PAM: variants seen among roughly 807,000 people sequenced by gnomAD.
PAM encodes the protein peptidyl-glycine alpha-amidating monooxygenase.
A neutral mutation model predicts 122.1 loss-of-function variants in PAM; 72 were observed. The observed-to-expected ratio is 0.59, with a 90% confidence interval of 0.49 to 0.72. PAM has a LOEUF of 0.72. Among genes scored for constraint, PAM ranks in the 30% least tolerant of loss-of-function variants. The pLI is 0.00. For synonymous variants in PAM, 389 were observed against 404.4 expected (o/e 0.96, Z 0.46); for missense variants, 1,106 against 1,183.7 (o/e 0.93, Z 0.96).
intron 1 of PAM, among the ~76,000 whole-genome samples, chr5:102,811,435 A>C (rs1037157709): frequency 5.9e-5 from 9 of 152,170 alleles, no homozygotes; most frequent in Middle Eastern, 3.2e-3. Flanking sequence ...TCACTTTGCC[A>C]TCTCTCTGGT....
At chr5:102,824,592 C>T (rs1330986778) in intron 1 of PAM, among the ~76,000 whole-genome samples, 4 of 152,170 alleles carry the variant, frequency 2.6e-5, no homozygotes, top group Non-Finnish European at 5.9e-5. Flanking sequence ...GTGATAGCTG[C>T]ATCTGGTTAC....
intron 1 of PAM, among the ~76,000 whole-genome samples, chr5:102,783,147 T>C (rs1402577992): frequency 6.6e-6 from 1 of 151,800 alleles, no homozygotes; most frequent in Admixed American, 6.6e-5. Flanking sequence ...TGAATGTTTA[T>C]ATTTGTTGTC....
intron 1 of PAM, among the ~76,000 whole-genome samples, chr5:102,756,148 G>A (rs1412250729): frequency 6.6e-6 from 1 of 152,174 alleles, no homozygotes; most frequent in Non-Finnish European, 1.5e-5. Context: ...GATGACTTAG[G>A]GTATTACGTG....
At chr5:102,977,031 T>G (rs1443466134) in intron 15 of PAM, among the ~76,000 whole-genome samples, 2 of 152,154 alleles carry the variant, frequency 1.3e-5, no homozygotes, top group Non-Finnish European at 2.9e-5. Context: ...TCTAATACAA[T>G]GGTGTTTTCT....
intron 5 of PAM, among the ~76,000 whole-genome samples, chr5:102,914,428 A>T (rs890593933): frequency 3.9e-5 from 6 of 152,188 alleles, no homozygotes; most frequent in African/African-American, 1.4e-4. Context: ...CCTGGAATCT[A>T]AAATAAAACA....
chr5:102,780,827 CTTTCT>C (rs1208098009), intron 1 of PAM, among the ~76,000 whole-genome samples: 1 of 119,362 alleles, frequency 8.4e-6, no homozygotes, highest in Non-Finnish European at 1.8e-5. Flanking sequence ...TTCTTTCTTT[CTTTCT>C]TTCTCTGTCT....
At chr5:102,986,540 T>C (rs1771885167) in intron 15 of PAM, among the ~76,000 whole-genome samples, 1 of 152,238 alleles carries the variant, frequency 6.6e-6, no homozygotes, top group Admixed American at 6.5e-5. Context: ...GAAAGATCTC[T>C]TCAGGAACTA....
intron 1 of PAM, among the ~76,000 whole-genome samples, chr5:102,848,273 G>A (rs1292799440): frequency 6.6e-6 from 1 of 151,974 alleles, no homozygotes; most frequent in Non-Finnish European, 1.5e-5. Flanking sequence ...GATTATTTTG[G>A]GGAATCTTGT....
intron 1 of PAM, among the ~76,000 whole-genome samples, chr5:102,755,995 T>G (rs1003889919): frequency 1.3e-5 from 2 of 152,138 alleles, no homozygotes; most frequent in Admixed American, 1.3e-4. Context: ...TATCCACCAC[T>G]TGGGATACTA....
chr5:102,933,577 G>C (rs1406588666), intron 7 of PAM, among the ~76,000 whole-genome samples: 3 of 152,184 alleles, frequency 2.0e-5, no homozygotes, highest in Non-Finnish European at 2.9e-5. Flanking sequence ...CCATACAAAG[G>C]GTTCCTACCT....
chr5:102,874,846 C>T (rs946775452), intron 3 of PAM, among the ~76,000 whole-genome samples: 2 of 152,028 alleles, frequency 1.3e-5, no homozygotes, highest in South Asian at 4.1e-4. Flanking sequence ...CATTAATTCC[C>T]ATAAAAAGTC....
At position 102,861,960 on chromosome 5, in the gene PAM, A is replaced by C. The variant is rs570346776; in HGVS notation, c.-373-3863A>C. 9.9e-5 allele frequency among the ~76,000 whole-genome samples: 15 copies of C among 152,218 alleles called. No homozygotes were observed. The South Asian group carries it at 2.3e-3, about 23-fold the overall frequency. Reference sequence around the variant, plus strand: ...TGAGACAGGCAGATCACTTGAGCTCAGGAGTTCGAGACCAGCCTGGGAAAC... The same window carrying C: ...TGAGACAGGCAGATCACTTGAGCTCCGGAGTTCGAGACCAGCCTGGGAAAC... On this transcript the variant is annotated intron_variant, in intron 1 of 25. Coordinates refer to ENST00000438793, the MANE Select transcript of PAM (RefSeq NM_001177306.2).
chr5:102,840,641 T>C (rs7705636), intron 1 of PAM, among the ~76,000 whole-genome samples: 1 of 152,158 alleles, frequency 6.6e-6, no homozygotes, highest in Non-Finnish European at 1.5e-5. Flanking sequence ...GATAAGGTGA[T>C]ATATTTTCCA....
chr5:102,849,606 C>A (rs1445592304), intron 1 of PAM, among the ~76,000 whole-genome samples: 2 of 145,990 alleles, frequency 1.4e-5, no homozygotes, highest in Non-Finnish European at 3.0e-5. Flanking sequence ...GTAAAGGTAA[C>A]AATCATGGGA....
At position 102,758,073 on chromosome 5, in the gene PAM, G is replaced by GTTTTT. The variant is rs1168917285; in HGVS notation, c.-374+2756_-374+2760dup. Among the ~76,000 whole-genome samples the GTTTTT allele has an allele frequency of 3.3e-3, 81 of 24,780 alleles. 1 individual carries two copies. Among genetic ancestry groups the GTTTTT allele is most frequent in the Non-Finnish European group, 5.0e-3 (55 of 11,090 alleles). 16.3% of individuals were successfully genotyped at this position (24,780 alleles called of 152,430 possible). On this transcript the variant is annotated intron_variant, in intron 1 of 25. Transcript: ENST00000438793. The stretch of plus-strand genomic sequence containing the variant: ...AAAAAAAAAAAAGACTTAGAATTTT[G>GTTTTT]TTTTTTTTTTTTTTTTTTTTTTTTT...
chr5:102,866,160 C>T lies in PAM; in HGVS notation c.-36C>T, dbSNP rs748269986. The T allele has an allele frequency of 2.0e-6, 3 of 1,474,202 alleles. No homozygotes were observed. The highest frequency in any genetic ancestry group is 2.3e-5 in the East Asian group (1 of 44,188). The allele number at this position is 1,474,202 out of a possible 1,614,324, so 91.3% of individuals were successfully genotyped here. On this transcript the variant is annotated 5_prime_UTR_variant, in exon 2 of 26. Transcript: ENST00000438793. ...CAGCCCCAGCCCCGCGCTGCGCTGC[C>T]CGGTCCTCTCCCGGCGGGGTCGTAT...
At chr5:103,025,100 T>C in intron 23 of PAM, 31 bp from the exon 24 acceptor site, 2 of 1,525,590 alleles carry the variant, frequency 1.3e-6, no homozygotes, top group Non-Finnish European at 9.1e-7. Flanking sequence ...TTTGAGTCAG[T>C]TGAATATTGT....
At chr5:102,973,267 T>C (rs1365466121) in intron 14 of PAM, among the ~76,000 whole-genome samples, 1 of 152,210 alleles carries the variant, frequency 6.6e-6, no homozygotes, top group Non-Finnish European at 1.5e-5. Context: ...TTGATATAAA[T>C]GGATTTGAAG....
Position 102,974,338 on chromosome 5 carries a change from A to G in PAM, c.1385A>G (p.His462Arg). Residue 462 changes from histidine to arginine, a missense_variant, in exon 15 of 26, where the codon CAC becomes CGC. By Grantham distance (29) the His-to-Arg change is conservative. Transcript: ENST00000438793. The stretch of plus-strand genomic sequence containing the variant: ...GTCAGAGACAGAATTCACAAATTCC[A>G]CAGACTAGTATCTACCTTGAGGCCA... ...ILVRDRIHKF[H>R]RLVSTLRPPE... 6.2e-7 allele frequency: 1 copy of G among 1,613,970 alleles called. No individual in the cohort carries two copies.
Sources: allele counts gnomAD v4.1 joint callset (sites outside exome capture counted in the v4.1 genomes callset), GRCh38; gene constraint gnomAD v4.1.1; transcripts MANE v1.5; gene names NCBI Gene and HGNC (gene_info 2026-07-23, HGNC 2026-07-21).